Variants in MAPRE2 observed in about 807,000 individuals in gnomAD.
MAPRE2 encodes the protein microtubule associated protein RP/EB family member 2.
MAPRE2 carries 13 observed loss-of-function variants against 43.2 expected under a neutral mutation model. That is an observed-to-expected ratio of 0.30 (90% confidence interval 0.20 to 0.48). The LOEUF (loss-of-function observed/expected upper bound fraction) is 0.48, where lower values mean the gene tolerates loss of function less well. MAPRE2 is among the 20% of genes least tolerant of loss of function. The probability of loss-of-function intolerance (pLI) is 0.99; values close to 1 mark genes in which losing one functional copy is unlikely to be tolerated. For synonymous variants in MAPRE2, 135 were observed against 148.8 expected, an observed-to-expected ratio of 0.91 and a Z score of 0.68; for missense variants, 161 against 400.2, an observed-to-expected ratio of 0.40 and a Z score of 5.10.
At chr18:34,983,507 C>T (rs2097017458) in intron 1 of MAPRE2, among the ~76,000 whole-genome samples, 1 of 152,160 alleles carries the variant, frequency 6.6e-6, no homozygotes, top group Admixed American at 6.6e-5. Context: ...TATATGAAGA[C>T]ATAATTTGGA....
At chr18:35,105,304 A>T (rs1050719847) in intron 4 of MAPRE2, among the ~76,000 whole-genome samples, 41 of 152,102 alleles carry the variant, frequency 2.7e-4, no homozygotes, top group African/African-American at 9.9e-4. Flanking sequence ...TACCTTGACC[A>T]TGTTTACGTT....
intron 1 of MAPRE2, among the ~76,000 whole-genome samples, chr18:35,067,774 A>G (rs553981447): frequency 1.1e-4 from 17 of 152,208 alleles, no homozygotes; most frequent in Non-Finnish European, 2.1e-4. Context: ...CATCAGTCCA[A>G]AATATTTTAA....
In MAPRE2 at chr18:35,022,159, A is replaced by C. The variant is rs534938979; in HGVS notation, c.-8+16606A>C. ...CTTTACGTCTCTGTATCTCTCAAAA[A>C]ATAATTTCTAGATGAACTCCAGCAA... On this transcript the variant is annotated intron_variant, in intron 2 of 7. Transcript: ENST00000413393. Among the ~76,000 whole-genome samples the C allele has an allele frequency of 9.8e-5, 15 of 152,328 alleles. No individual in the cohort carries two copies. In the East Asian group the frequency reaches 2.7e-3, roughly 27 times the overall value.
intron 2 of MAPRE2, among the ~76,000 whole-genome samples, chr18:35,019,596 C>T (rs1259133696): frequency 6.6e-6 from 1 of 152,056 alleles, no homozygotes; most frequent in East Asian, 1.9e-4. Context: ...ATGTCATAAG[C>T]AGTTTTCCAT....
At chr18:34,984,286 C>G (rs1603385894) in intron 1 of MAPRE2, 1 of 152,018 alleles carries the variant, frequency 6.6e-6, no homozygotes, top group Non-Finnish European at 1.5e-5. Context: ...GAACTTCTTC[C>G]TTTTGATGAA....
At chr18:35,127,812 G>A (rs1003595390) in intron 5 of MAPRE2, among the ~76,000 whole-genome samples, 1 of 152,200 alleles carries the variant, frequency 6.6e-6, no homozygotes, top group Non-Finnish European at 1.5e-5. Context: ...ATGCCTCACA[G>A]TTATGGTAAA....
chr18:35,087,784 T>G (rs1270245067), intron 2 of MAPRE2, among the ~76,000 whole-genome samples: 1 of 152,250 alleles, frequency 6.6e-6, no homozygotes, highest in Non-Finnish European at 1.5e-5. Context: ...CAAACTCTCT[T>G]AGTCTGTTTT....
intron 1 of MAPRE2, among the ~76,000 whole-genome samples, chr18:34,992,935 GA>G (rs1450837402): frequency 6.6e-6 from 1 of 152,146 alleles, no homozygotes; most frequent in Non-Finnish European, 1.5e-5. Context: ...GACAAATAAA[GA>G]GTCCATATAT....
chr18:35,105,074 G>T (rs1473593050), intron 4 of MAPRE2, among the ~76,000 whole-genome samples: 1 of 151,788 alleles, frequency 6.6e-6, no homozygotes, highest in Admixed American at 6.6e-5. Context: ...TGCTACCTTG[G>T]CCTCGTTTTC....
chr18:35,109,603 T>C (rs1909081004), intron 4 of MAPRE2, among the ~76,000 whole-genome samples: 2 of 152,168 alleles, frequency 1.3e-5, no homozygotes, highest in Non-Finnish European at 2.9e-5. Flanking sequence ...TAATATTCTT[T>C]GTCTTGAAAT....
At chr18:35,036,866 G>C (rs769485481), upstream of MAPRE2, among the ~76,000 whole-genome samples, 1 of 152,216 alleles carries the variant, frequency 6.6e-6, no homozygotes, top group Non-Finnish European at 1.5e-5. Context: ...ACTGCAGATA[G>C]AGCGGTGAAC....
At chr18:35,132,569 G>T (rs1456345030) in intron 6 of MAPRE2, among the ~76,000 whole-genome samples, 2 of 152,190 alleles carry the variant, frequency 1.3e-5, no homozygotes, top group African/African-American at 4.8e-5. Context: ...TAATCTAGAT[G>T]CTTTTCCCAT....
chr18:34,998,326 T>C (rs938984141), intron 1 of MAPRE2, among the ~76,000 whole-genome samples: 6 of 139,010 alleles, frequency 4.3e-5, no homozygotes, highest in African/African-American at 1.7e-4. Context: ...TCTCTCTCTT[T>C]TTTTTTTTTT....
At chr18:35,069,144 G>A (rs1906982784) in intron 1 of MAPRE2, among the ~76,000 whole-genome samples, 1 of 152,104 alleles carries the variant, frequency 6.6e-6, no homozygotes, top group African/African-American at 2.4e-5. Flanking sequence ...CCAGAATGTG[G>A]AAACTATCAG....
intron 6 of MAPRE2, among the ~76,000 whole-genome samples, chr18:35,133,370 A>G (rs1387602809): frequency 6.6e-6 from 1 of 152,108 alleles, no homozygotes; most frequent in Non-Finnish European, 1.5e-5. Context: ...TTCATAAAAT[A>G]CGGTTCTCAG....
At chr18:35,040,385 T>C (rs965555757), upstream of MAPRE2, among the ~76,000 whole-genome samples, 2 of 152,170 alleles carry the variant, frequency 1.3e-5, no homozygotes, top group Non-Finnish European at 2.9e-5. Context: ...ATAATATTTA[T>C]TGAGCTCACA....
At chr18:35,003,403 C>A (rs767615159) in intron 1 of MAPRE2, among the ~76,000 whole-genome samples, 4 of 152,196 alleles carry the variant, frequency 2.6e-5, no homozygotes, top group Non-Finnish European at 4.4e-5. Flanking sequence ...TGATATTGGG[C>A]AAATTGCCCC....
chr18:34,988,723 G>A (rs797017646), intron 1 of MAPRE2: 48 of 152,292 alleles, frequency 3.2e-4, no homozygotes, highest in African/African-American at 1.0e-3. Flanking sequence ...ATATGTCCAC[G>A]TCAGCCACAC....
At chr18:35,124,953 C>G (rs1255799664) in intron 4 of MAPRE2, among the ~76,000 whole-genome samples, 1 of 152,102 alleles carries the variant, frequency 6.6e-6, no homozygotes, top group African/African-American at 2.4e-5. Context: ...AGCCCATATA[C>G]CAGTCACAAA....
Sources: gnomAD v4.1 joint callset for allele counts (sites outside exome capture counted in the v4.1 genomes callset) on GRCh38, gnomAD v4.1.1 for gene constraint, MANE v1.5 for transcripts, NCBI Gene and HGNC (gene_info 2026-07-23, HGNC 2026-07-21) for gene names.